AKAP7: variants seen among roughly 807,000 people sequenced by gnomAD.
AKAP7 encodes A kinase (PRKA) anchor protein 7.
AKAP7 carries 39 observed loss-of-function variants against 39.5 expected under a neutral mutation model. That is an observed-to-expected ratio of 0.99 (90% CI 0.76 to 1.29). AKAP7 has a LOEUF of 1.29. Among genes scored for constraint, AKAP7 ranks in the 50% most tolerant of loss-of-function variants. The pLI is 0.00. For synonymous variants in AKAP7, 140 were observed against 139.1 expected (o/e 1.01, Z -0.05); for missense variants, 414 against 407.7 (o/e 1.02, Z -0.13).
At chr6:131,149,906 C>T (rs553520979) in intron 2 of AKAP7, among the ~76,000 whole-genome samples, 1 of 152,320 alleles carries the variant, frequency 6.6e-6, no homozygotes, top group East Asian at 1.9e-4. Flanking sequence ...ATGCTTCCCA[C>T]AGTGTGACTT....
chr6:131,266,450 G>A (rs528509200), intron 7 of AKAP7, among the ~76,000 whole-genome samples: 35 of 152,266 alleles, frequency 2.3e-4, no homozygotes, highest in Admixed American at 1.8e-3. Context: ...AAGTTTAAAT[G>A]CTAGTTCCAT....
upstream of AKAP7, among the ~76,000 whole-genome samples, chr6:131,131,665 A>G (rs1235447194): frequency 6.6e-6 from 1 of 152,130 alleles, no homozygotes; most frequent in Non-Finnish European, 1.5e-5. Context: ...AGTCTAATGT[A>G]TGAAACAGAA....
At chr6:131,155,607 C>T (rs1802349219) in intron 2 of AKAP7, among the ~76,000 whole-genome samples, 2 of 152,100 alleles carry the variant, frequency 1.3e-5, no homozygotes, top group Admixed American at 6.6e-5. Context: ...TATTTAATTT[C>T]CTATATGACT....
Position 131,282,541 on chromosome 6 carries a change from AG to A in AKAP7, c.*817del. ...CCAGAATTAGGAGGGAGCTTTTTGA[AG>A]GAAGACTTATTAACAACAGTAATTC... On this transcript the variant is annotated 3_prime_UTR_variant, in exon 8 of 8. Coordinates refer to ENST00000431975, the MANE Select transcript of AKAP7 (RefSeq NM_016377.4). 2 of 1,535,934 alleles carry A rather than the reference AG, an allele frequency of 1.3e-6. No individual in the cohort carries two copies. Among genetic ancestry groups the A allele is most frequent in the Non-Finnish European group, 1.7e-6 (2 of 1,146,810 alleles).
chr6:131,225,951 T>C (rs1271863250), intron 7 of AKAP7, among the ~76,000 whole-genome samples: 1 of 152,224 alleles, frequency 6.6e-6, no homozygotes, highest in African/African-American at 2.4e-5. Flanking sequence ...TTGTTTGTTT[T>C]TGTATAATTC....
At chr6:131,144,855 T>C (rs1161822861) in intron 1 of AKAP7, among the ~76,000 whole-genome samples, 2 of 152,182 alleles carry the variant, frequency 1.3e-5, no homozygotes, top group Non-Finnish European at 2.9e-5. Flanking sequence ...AAAGTCTTTA[T>C]TGAAGAAAAA....
rs771162524 is a variant in AKAP7, at chr6:131,281,893, A to G, written c.*167A>G. 4.7e-5 allele frequency: 59 copies of G among 1,263,288 alleles called. No homozygotes were observed. The highest frequency in any genetic ancestry group is 5.7e-5 in the Non-Finnish European group (57 of 1,001,116). The allele number at this position is 1,263,288 out of a possible 1,614,324, so 78.3% of individuals were successfully genotyped here. On this transcript the variant is annotated 3_prime_UTR_variant, in exon 8 of 8. Transcript: ENST00000431975. The surrounding 1 kb of genome is among the most constrained non-coding windows in gnomAD (Gnocchi z 4.0). Reference sequence around the variant, plus strand: ...GATGTGTTCGCATTGCTGAAACACAACAGAAGAAAAATGGAGTGCTGGGAC... The same window carrying G: ...GATGTGTTCGCATTGCTGAAACACAGCAGAAGAAAAATGGAGTGCTGGGAC...
At chr6:131,189,059 C>CA (rs1806150947) in intron 5 of AKAP7, among the ~76,000 whole-genome samples, 2 of 152,086 alleles carry the variant, frequency 1.3e-5, no homozygotes, top group South Asian at 2.1e-4. Context: ...TATAGCTGGG[C>CA]AAAAAAATCA....
At position 131,244,188 on chromosome 6, in the gene AKAP7, G is replaced by T. The variant is rs534279492; in HGVS notation, c.850+24380G>T. On this transcript the variant is annotated intron_variant, in intron 7 of 7. Transcript: ENST00000431975. ...CCTTTGTTCTCCTGTTACTGTTTTG[G>T]GTTAATAAAACTCCAGTATGACTTG... Among the ~76,000 whole-genome samples the T allele has an allele frequency of 2.6e-5, 4 of 152,052 alleles. No homozygotes were observed. In the East Asian group the frequency reaches 7.7e-4, roughly 29 times the overall value.
intron 7 of AKAP7, among the ~76,000 whole-genome samples, chr6:131,256,368 TTCTTA>T (rs1336885915): frequency 6.6e-6 from 1 of 152,246 alleles, no homozygotes; most frequent in Non-Finnish European, 1.5e-5. Context: ...GTACTTACTA[TTCTTA>T]TCTTACCTTC....
chr6:131,171,586 T>G (rs1250596675), intron 5 of AKAP7, among the ~76,000 whole-genome samples: 1 of 152,078 alleles, frequency 6.6e-6, no homozygotes, highest in Non-Finnish European at 1.5e-5. Context: ...CGGTGAAAGT[T>G]TAGAATGGCG....
chr6:131,146,789 C>T (rs139507729), intron 2 of AKAP7, among the ~76,000 whole-genome samples: 47 of 152,246 alleles, frequency 3.1e-4, no homozygotes, highest in African/African-American at 1.0e-3. Context: ...TAAATTCACA[C>T]GGTGGGAAAG....
the AKAP7 span, among the ~76,000 whole-genome samples, chr6:131,129,773 T>G: frequency 3.3e-5 from 5 of 152,218 alleles, no homozygotes; most frequent in African/African-American, 1.2e-4. Context: ...CAAAATGAAA[T>G]GTCACCCCGA....
intron 4 of AKAP7, among the ~76,000 whole-genome samples, chr6:131,168,820 C>T (rs1803753344): frequency 6.6e-6 from 1 of 152,020 alleles, no homozygotes; most frequent in Non-Finnish European, 1.5e-5. Context: ...TTGAGTTGTT[C>T]ATATAATATT....
intron 7 of AKAP7, among the ~76,000 whole-genome samples, chr6:131,244,581 G>A (rs1811852209): frequency 6.6e-6 from 1 of 152,178 alleles, no homozygotes; most frequent in South Asian, 2.1e-4. Flanking sequence ...TAAGGAGAAG[G>A]CTTTGACTAT....
In AKAP7 at chr6:131,143,740, TTTTTTTTTTTTA is replaced by T. The variant is rs879517422; in HGVS notation, c.20-1538_20-1527del. On this transcript the variant is annotated intron_variant, in intron 1 of 7. Coordinates refer to ENST00000431975, the MANE Select transcript of AKAP7 (RefSeq NM_016377.4). ...CATAGCCATGTTGTAGCCATATTCT[TTTTTTTTTTTTA>T]TTTTTTATTTTTTATTTTTTATTTT... Among the ~76,000 whole-genome samples the T allele has an allele frequency of 9.5e-3, 1,261 of 132,884 alleles. 7 individuals are homozygous for T. The highest frequency in any genetic ancestry group is 0.015 in the Admixed American group (199 of 13,194). The allele number at this position is 132,884 out of a possible 152,430, so 87.2% of individuals were successfully genotyped here.
intron 7 of AKAP7, among the ~76,000 whole-genome samples, chr6:131,265,514 A>C (rs192782921): frequency 2.0e-5 from 3 of 152,288 alleles, no homozygotes; most frequent in Non-Finnish European, 1.5e-5. Context: ...AGAGGGGCTG[A>C]GCAACTTTCA....
intron 7 of AKAP7, chr6:131,250,114 C>A: frequency 1.1e-6 from 1 of 945,530 alleles, no homozygotes; most frequent in Non-Finnish European, 1.3e-6. Context: ...CTTTAAGTAG[C>A]AGACAGAAAA....
chr6:131,130,057 A>G, the AKAP7 span, among the ~76,000 whole-genome samples: 1 of 152,208 alleles, frequency 6.6e-6, no homozygotes. Context: ...TCAATTTAGT[A>G]GTAGTTCCTG....
Sources: allele counts gnomAD v4.1 joint callset (sites outside exome capture counted in the v4.1 genomes callset), GRCh38; gene constraint gnomAD v4.1.1; non-coding constraint Gnocchi (gnomAD v3.1); transcripts MANE v1.5; gene names NCBI Gene and HGNC (gene_info 2026-07-23, HGNC 2026-07-21).